The following RGS6 variants were observed in gnomAD, a reference collection of about 807,000 sequenced individuals.
RGS6 encodes the protein regulator of G-protein signaling 6.
RGS6 carries 30 observed loss-of-function variants against 78.5 expected under a neutral mutation model. The observed-to-expected ratio is 0.38, with a 90% confidence interval of 0.29 to 0.52. The LOEUF (loss-of-function observed/expected upper bound fraction) is 0.52, where lower values mean the gene tolerates loss of function less well. Among genes scored for constraint, RGS6 ranks in the 20% least tolerant of loss-of-function variants. The probability of loss-of-function intolerance (pLI) is 0.85; values close to 1 mark genes in which losing one functional copy is unlikely to be tolerated. For synonymous variants in RGS6, 206 were observed against 206.0 expected, an observed-to-expected ratio of 1.00 and a Z score of 0.00; for missense variants, 495 against 609.7, an observed-to-expected ratio of 0.81 and a Z score of 1.98.
chr14:71,996,742 G>T (rs1337112825), intron 2 of RGS6, among the ~76,000 whole-genome samples: 1 of 152,056 alleles, frequency 6.6e-6, no homozygotes, highest in Non-Finnish European at 1.5e-5. Context: ...GAGAACTGAA[G>T]GATGAGGAGT....
rs575924913 is a variant in RGS6, at chr14:72,119,276, C to T, written c.84+154401C>T. Reference sequence around the variant, plus strand: ...TAACACAGTTGAAGATAGCTGTGGACGTAGATCATGGGCAAAACTGGTAAT... The same window carrying T: ...TAACACAGTTGAAGATAGCTGTGGATGTAGATCATGGGCAAAACTGGTAAT... On this transcript the variant is annotated intron_variant, in intron 2 of 17. Transcript: ENST00000553525. Among the ~76,000 whole-genome samples the T allele has an allele frequency of 1.3e-4, 20 of 152,148 alleles. No homozygotes were observed. In the South Asian group the frequency reaches 3.5e-3, roughly 27 times the overall value.
rs145045152 is a variant in RGS6, at chr14:72,543,349, G to A, written c.1422+3255G>A. Among the ~76,000 whole-genome samples the A allele has an allele frequency of 3.8e-3, 573 of 152,300 alleles. 4 individuals are homozygous for A. The highest frequency in any genetic ancestry group is 0.013 in the African/African-American group (540 of 41,562). ...CCACTGTACATGGCCACCCTTGTCC[G>A]AGGAGCCTGTTTCAGAAAGAGCTGT... On this transcript the variant is annotated intron_variant, in intron 17 of 17. Transcript: ENST00000553525.
intron 2 of RGS6, among the ~76,000 whole-genome samples, chr14:72,121,916 C>T (rs1358186999): frequency 6.6e-6 from 1 of 152,128 alleles, no homozygotes; most frequent in Non-Finnish European, 1.5e-5. Flanking sequence ...TCAAAAATGT[C>T]TGAAGATGTT....
chr14:72,461,585 G>A (rs555204584), intron 6 of RGS6, among the ~76,000 whole-genome samples: 7 of 152,228 alleles, frequency 4.6e-5, no homozygotes, highest in South Asian at 4.2e-4. Flanking sequence ...CCAGTGACTC[G>A]GGAGGCTGAG....
At chr14:72,259,486 T>C (rs950880401) in intron 2 of RGS6, among the ~76,000 whole-genome samples, 1 of 152,162 alleles carries the variant, frequency 6.6e-6, no homozygotes, top group Non-Finnish European at 1.5e-5. Context: ...AGGCTGAGAA[T>C]CCCTGAGAGG....
rs190657397 is a variant in RGS6, at chr14:72,495,365, C to G, written c.965+103C>G. 1,485 of 808,864 alleles carry G rather than the reference C, an allele frequency of 1.8e-3. 27 individuals carry two copies. In the South Asian group the frequency reaches 0.02, roughly 11 times the overall value. 50.1% of individuals were successfully genotyped at this position (808,864 alleles called of 1,614,324 possible). The stretch of plus-strand genomic sequence containing the variant: ...TATCTTAATTTGACATTTTTTATCG[C>G]TAGAACAGAAACCCCTCAAGTAGCC... On this transcript the variant is annotated intron_variant, in intron 13 of 17. Transcript: ENST00000553525.
chr14:72,239,569 G>A (rs1487324498), intron 2 of RGS6, among the ~76,000 whole-genome samples: 1 of 152,136 alleles, frequency 6.6e-6, no homozygotes, highest in East Asian at 1.9e-4. Context: ...GCTCATGCCT[G>A]TCTAACTACC....
At chr14:72,336,129 A>T (rs77031552) in intron 2 of RGS6, among the ~76,000 whole-genome samples, 1 of 152,144 alleles carries the variant, frequency 6.6e-6, no homozygotes, top group Non-Finnish European at 1.5e-5. Context: ...AGTATCTTCT[A>T]TTTGGGCTAC....
At chr14:72,263,794 G>T (rs928420631) in intron 2 of RGS6, among the ~76,000 whole-genome samples, 5 of 152,174 alleles carry the variant, frequency 3.3e-5, no homozygotes, top group African/African-American at 9.7e-5. Flanking sequence ...TGTGAGAAAC[G>T]AATGTCTGTT....
At chr14:72,172,941 C>A (rs1363228710) in intron 2 of RGS6, among the ~76,000 whole-genome samples, 1 of 152,206 alleles carries the variant, frequency 6.6e-6, no homozygotes, top group East Asian at 1.9e-4. Flanking sequence ...TGCTCTAAAG[C>A]AGTAGTTCTG....
intron 1 of RGS6, among the ~76,000 whole-genome samples, chr14:71,952,529 TG>T (rs543457145): frequency 7.5e-4 from 114 of 152,264 alleles, no homozygotes; most frequent in African/African-American, 2.6e-3. Flanking sequence ...TTGTAGGAAT[TG>T]GTACTGTAAA....
intron 2 of RGS6, among the ~76,000 whole-genome samples, chr14:72,043,471 T>C (rs1458573425): frequency 1.9e-5 from 2 of 104,446 alleles, no homozygotes; most frequent in African/African-American, 3.7e-5. Flanking sequence ...AAAAAGTCTT[T>C]ATTTTTTCTT....
chr14:72,111,750 G>A (rs1014749181), intron 2 of RGS6, among the ~76,000 whole-genome samples: 2 of 152,210 alleles, frequency 1.3e-5, no homozygotes, highest in Middle Eastern at 6.8e-3. Flanking sequence ...GCCAGGGTAC[G>A]TACCTCAAGG....
intron 2 of RGS6, among the ~76,000 whole-genome samples, chr14:72,145,887 T>G (rs2096600907): frequency 6.6e-6 from 1 of 152,212 alleles, no homozygotes; most frequent in Non-Finnish European, 1.5e-5. Context: ...AGGGCTCCCC[T>G]GTGGAAGTGA....
chr14:72,450,347 G>A (rs1201891473), intron 3 of RGS6, among the ~76,000 whole-genome samples: 1 of 151,956 alleles, frequency 6.6e-6, no homozygotes, highest in Non-Finnish European at 1.5e-5. Flanking sequence ...CATGATTTTA[G>A]ATATAAAAGA....
chr14:71,909,574 C>CAGAG, the RGS6 span, among the ~76,000 whole-genome samples: 31 of 16,916 alleles, frequency 1.8e-3, no homozygotes, highest in South Asian at 7.0e-3. Flanking sequence ...GAAATAAGGA[C>CAGAG]ATAGAGAGAG....
chr14:72,475,250 A>G (rs1403186121), intron 10 of RGS6, among the ~76,000 whole-genome samples: 1 of 147,836 alleles, frequency 6.8e-6, no homozygotes, highest in Non-Finnish European at 1.5e-5. Context: ...CCAAACTCAA[A>G]CCACCATCTT....
intron 2 of RGS6, among the ~76,000 whole-genome samples, chr14:72,155,753 C>T (rs2096761332): frequency 6.6e-6 from 1 of 152,246 alleles, no homozygotes; most frequent in Admixed American, 6.5e-5. Flanking sequence ...GCAATTTCCC[C>T]TTCTAATATC....
chr14:72,105,115 A>G (rs1459082747), intron 2 of RGS6, among the ~76,000 whole-genome samples: 3 of 152,196 alleles, frequency 2.0e-5, no homozygotes, highest in East Asian at 1.9e-4. Flanking sequence ...AGTTGCATGT[A>G]TTGAGTATCA....
Sources: gnomAD v4.1 joint callset for allele counts (sites outside exome capture counted in the v4.1 genomes callset) on GRCh38, gnomAD v4.1.1 for gene constraint, MANE v1.5 for transcripts, NCBI Gene and HGNC (gene_info 2026-07-23, HGNC 2026-07-21) for gene names.